The following G3BP2 variants were observed in gnomAD, a reference collection of about 807,000 sequenced individuals.
G3BP2 encodes G3BP stress granule assembly factor 2, also known as ras GTPase-activating protein-binding protein 2.
In G3BP2, 11 loss-of-function variants were observed where a neutral mutation model predicts 56.7. The observed-to-expected ratio is 0.19, with a 90% CI of 0.12 to 0.32. The LOEUF is 0.32. G3BP2 is among the 10% of genes least tolerant of loss of function. The probability of loss-of-function intolerance (pLI) is 1.00; values close to 1 mark genes in which losing one functional copy is unlikely to be tolerated. For missense variants in G3BP2, 340 were observed against 610.9 expected, an observed-to-expected ratio of 0.56 and a Z score of 4.67; for synonymous variants, 165 against 191.6, an observed-to-expected ratio of 0.86 and a Z score of 1.15.
chr4:75,659,176 T>G (rs781362004), intron 2 of G3BP2, among the ~76,000 whole-genome samples: 1 of 152,250 alleles, frequency 6.6e-6, no homozygotes, highest in Non-Finnish European at 1.5e-5. Context: ...TCTGGCACAG[T>G]AAGTAGACAA....
At chr4:75,697,629 T>C (rs955003194) in intron 3 of G3BP2, among the ~76,000 whole-genome samples, 2 of 152,070 alleles carry the variant, frequency 1.3e-5, no homozygotes, top group Admixed American at 6.6e-5. Flanking sequence ...CATAAGTGGG[T>C]AATTCATAAA....
chr4:75,695,041 AACC>A (rs1719046490), intron 3 of G3BP2: 4 of 508,502 alleles, frequency 7.9e-6, no homozygotes, highest in Non-Finnish European at 1.0e-5. Context: ...CAGAAGACTC[AACC>A]ACTGTAGATA....
chr4:75,719,271 C>G (rs1408356187), intron 3 of G3BP2, among the ~76,000 whole-genome samples: 1 of 148,224 alleles, frequency 6.7e-6, no homozygotes, highest in Non-Finnish European at 1.5e-5. Context: ...TGGTGTGAAC[C>G]CGGGAGGCGG....
chr4:75,661,114 C>G (rs1208480843), intron 2 of G3BP2, among the ~76,000 whole-genome samples: 1 of 152,044 alleles, frequency 6.6e-6, no homozygotes, highest in Non-Finnish European at 1.5e-5. Flanking sequence ...TATTGGAACC[C>G]ATTAGTTGGT....
chr4:75,675,425 G>A (rs571808885), upstream of G3BP2, among the ~76,000 whole-genome samples: 1 of 152,294 alleles, frequency 6.6e-6, no homozygotes, highest in Admixed American at 6.5e-5. Flanking sequence ...ATTCAACAGA[G>A]GCCCGAGAAT....
chr4:75,690,433 CA>C (rs34459285), intron 3 of G3BP2, among the ~76,000 whole-genome samples: 176 of 126,988 alleles, frequency 1.4e-3, no homozygotes, highest in Middle Eastern at 4.0e-3. Context: ...ACTCCATCTC[CA>C]AAAAAAAAAA....
In G3BP2 at chr4:75,673,256, C is replaced by T. The variant is rs1455679766; in HGVS notation, c.-73G>A. ...TACGTCGCGCGGAGGTCAGAAGAGT[C>T]GCTGAGGACCGGGTGCGGCGGGTTC... On this transcript the variant is annotated 5_prime_UTR_variant, in exon 1 of 12. Coordinates refer to ENST00000359707, the MANE Select transcript of G3BP2 (RefSeq NM_203505.3). The T allele has an allele frequency of 8.2e-7, 1 of 1,222,816 alleles. No individual in the cohort carries two copies. The highest frequency in any genetic ancestry group is 1.6e-5 in the African/African-American group (1 of 64,198). The allele number at this position is 1,222,816 out of a possible 1,614,324, so 75.7% of individuals were successfully genotyped here. A position where few individuals can be genotyped will look rare whatever the true frequency, so the allele number is the denominator to read the frequency against.
rs898598401 is a variant in G3BP2 at position 75,655,336 on chromosome 4, T to C, written c.546-90A>G. 36 of 891,796 alleles carry C rather than the reference T, an allele frequency of 4.0e-5. No homozygotes were observed. In the East Asian group the frequency reaches 4.4e-4, roughly 11 times the overall value. 55.2% of individuals were successfully genotyped at this position (891,796 alleles called of 1,614,324 possible). On this transcript the variant is annotated intron_variant, in intron 6 of 11. Coordinates refer to ENST00000359707, the MANE Select transcript of G3BP2 (RefSeq NM_203505.3). ...CTAATCCAATGGGTGTAACTAGTTA[T>C]ATGCCAATAACTTGTTCTAGATCTA...
intron 3 of G3BP2, among the ~76,000 whole-genome samples, chr4:75,682,523 A>G (rs1422248030): frequency 6.6e-6 from 1 of 152,148 alleles, no homozygotes; most frequent in Non-Finnish European, 1.5e-5. Context: ...ATAGTGTAGT[A>G]CTTTTGAAAG....
rs1273776007 is a variant in G3BP2 at position 75,673,332 on chromosome 4, G to C, written c.-149C>G. 4.1e-6 allele frequency: 5 copies of C among 1,230,694 alleles called. No homozygotes were observed. The highest frequency in any genetic ancestry group is 5.1e-6 in the Non-Finnish European group (5 of 987,182). The allele number at this position is 1,230,694 out of a possible 1,614,324, so 76.2% of individuals were successfully genotyped here. ...GACAACTCGGAAGCCTCGGAAGCCG[G>C]AGAGCCGCGAGTTCGTCTGCCTCAC... On this transcript the variant is annotated 5_prime_UTR_variant, in exon 1 of 12. Transcript: ENST00000359707.
chr4:75,668,292 T>C (rs1156803899), intron 1 of G3BP2, among the ~76,000 whole-genome samples: 5 of 152,248 alleles, frequency 3.3e-5, no homozygotes, highest in Non-Finnish European at 1.5e-5. Context: ...ATCACTCTCC[T>C]TTCCTCAAAC....
intron 10 of G3BP2, among the ~76,000 whole-genome samples, chr4:75,646,771 A>C (rs1176266064): frequency 6.6e-6 from 1 of 152,164 alleles, no homozygotes; most frequent in Non-Finnish European, 1.5e-5. Flanking sequence ...TGAATCCTTT[A>C]TCTCTGAATT....
chr4:75,705,066 C>T (rs1459442660), intron 3 of G3BP2, among the ~76,000 whole-genome samples: 1 of 152,062 alleles, frequency 6.6e-6, no homozygotes, highest in African/African-American at 2.4e-5. Context: ...CATCGGCTAT[C>T]ATTAGTTTTA....
intron 5 of G3BP2, 31 bp from the exon 6 acceptor site, chr4:75,655,901 TA>T (rs766061210): frequency 9.2e-7 from 1 of 1,089,758 alleles, no homozygotes; most frequent in East Asian, 2.4e-5. Context: ...ACATCTTTTT[TA>T]AAGAGGCTTC....
upstream of G3BP2, among the ~76,000 whole-genome samples, chr4:75,676,430 C>T (rs1230452960): frequency 2.0e-5 from 3 of 150,512 alleles, no homozygotes; most frequent in African/African-American, 4.9e-5. Context: ...GCAACCTCCA[C>T]CTCCCAGGTT....
At chr4:75,701,358 T>C (rs548967719) in intron 3 of G3BP2, among the ~76,000 whole-genome samples, 16 of 152,234 alleles carry the variant, frequency 1.1e-4, no homozygotes, top group Non-Finnish European at 2.2e-4. Context: ...AGTGGCACTA[T>C]CTAAGCTCAA....
upstream of G3BP2, among the ~76,000 whole-genome samples, chr4:75,675,166 G>T (rs1421643939): frequency 6.6e-6 from 1 of 152,124 alleles, no homozygotes; most frequent in Non-Finnish European, 1.5e-5. Context: ...CATACCCTCA[G>T]GCAAACTATA....
intron 7 of G3BP2, among the ~76,000 whole-genome samples, chr4:75,654,644 G>T (rs1483899903): frequency 6.6e-6 from 1 of 152,194 alleles, no homozygotes; most frequent in Admixed American, 6.5e-5. Context: ...AATTGGTGTA[G>T]AAAGGAAACT....
chr4:75,680,354 G>C (rs919419776), intron 3 of G3BP2, among the ~76,000 whole-genome samples: 1 of 152,136 alleles, frequency 6.6e-6, no homozygotes, highest in Non-Finnish European at 1.5e-5. Context: ...GAAACACATG[G>C]GATCAAATCG....
Sources: allele counts gnomAD v4.1 joint callset (sites outside exome capture counted in the v4.1 genomes callset), GRCh38; gene constraint gnomAD v4.1.1; transcripts MANE v1.5; gene names NCBI Gene and HGNC (gene_info 2026-07-23, HGNC 2026-07-21).